SLC35E2B: variants seen among roughly 807,000 people sequenced by gnomAD.
SLC35E2B encodes the protein solute carrier family 35, member E2B.
In SLC35E2B, 18 loss-of-function variants were observed where a neutral mutation model predicts 32.4. The ratio of observed to expected loss-of-function variants is 0.56; its 90% CI spans 0.38 to 0.82. The LOEUF (loss-of-function observed/expected upper bound fraction) is 0.82, where lower values mean the gene tolerates loss of function less well. SLC35E2B is among the 40% of genes least tolerant of loss of function. The pLI is 0.00. For synonymous variants in SLC35E2B, 132 were observed against 209.1 expected, an observed-to-expected ratio of 0.63 and a Z score of 3.18; for missense variants, 263 against 469.5, an observed-to-expected ratio of 0.56 and a Z score of 4.06.
At chr1:1,687,037 C>T (rs1249116954) in intron 2 of SLC35E2B, among the ~76,000 whole-genome samples, 1 of 152,018 alleles carries the variant, frequency 6.6e-6, no homozygotes, top group Admixed American at 6.5e-5. Flanking sequence ...GCCTGGGCCA[C>T]AGAGTGAGAC....
At position 1,663,858 on chromosome 1, in the gene SLC35E2B, A is replaced by G. The variant is rs1234926178; in HGVS notation, c.*1924T>C. The G allele has an allele frequency of 6.6e-6, 6 of 907,058 alleles. No homozygotes were observed. The African/African-American group carries it at 7.0e-5, about 11-fold the overall frequency. 56.2% of individuals were successfully genotyped at this position (907,058 alleles called of 1,614,324 possible). ...AACATCTTCGCAGCGCAGTGAGCAC[A>G]CACCTGGCCTGTCCTCCACACACAG... On this transcript the variant is annotated 3_prime_UTR_variant, in exon 10 of 10. Coordinates refer to ENST00000617444, the MANE Select transcript of SLC35E2B (RefSeq NM_001290264.2).
At position 1,665,604 on chromosome 1, in the gene SLC35E2B, T is replaced by G; in HGVS notation, c.*178A>C. The G allele has an allele frequency of 1.0e-6, 1 of 991,468 alleles. No individual in the cohort carries two copies. Among genetic ancestry groups the G allele is most frequent in the Non-Finnish European group, 1.4e-6 (1 of 694,050 alleles). 61.4% of individuals were successfully genotyped at this position (991,468 alleles called of 1,614,324 possible). The stretch of plus-strand genomic sequence containing the variant: ...GTCTCTACTCCAGGAAGCTGATACC[T>G]GGAATCCCCAGTTTGAGTTTCTGCT... On this transcript the variant is annotated 3_prime_UTR_variant, in exon 10 of 10. Coordinates refer to ENST00000617444, the MANE Select transcript of SLC35E2B (RefSeq NM_001290264.2).
At chr1:1,670,783 AATAATG>A (rs1474561469) in intron 6 of SLC35E2B, 1 of 152,224 alleles carries the variant, frequency 6.6e-6, no homozygotes, top group Non-Finnish European at 1.5e-5. Flanking sequence ...GATTATCAGT[AATAATG>A]ATAAACTCTC....
intron 5 of SLC35E2B, chr1:1,672,270 C>G (rs554397894): frequency 6.6e-6 from 1 of 152,238 alleles, no homozygotes; most frequent in Non-Finnish European, 1.5e-5. Flanking sequence ...ATCACCTGCA[C>G]GGGGGAGGCC....
chr1:1,685,304 T>C (rs2101116647), intron 2 of SLC35E2B, among the ~76,000 whole-genome samples: 1 of 149,674 alleles, frequency 6.7e-6, no homozygotes, highest in East Asian at 2.0e-4. Flanking sequence ...TGTGCGCCTG[T>C]GTGCCCAGCT....
At chr1:1,670,032 C>T in intron 7 of SLC35E2B, 66 bp downstream of exon 7, 1 of 1,400,474 alleles carries the variant, frequency 7.1e-7, no homozygotes, top group Non-Finnish European at 9.9e-7. Context: ...TGTTCTGACT[C>T]TTACAGTGAG....
chr1:1,668,220 C>T (rs1643591947), intron 9 of SLC35E2B, 107 bp downstream of exon 9: 8 of 1,475,702 alleles, frequency 5.4e-6, no homozygotes, highest in Non-Finnish European at 7.3e-6. Context: ...CCACACTCAT[C>T]CCCGTGGAAG....
intron 2 of SLC35E2B, among the ~76,000 whole-genome samples, chr1:1,682,184 C>T (rs1355222888): frequency 6.6e-6 from 1 of 151,902 alleles, no homozygotes; most frequent in Non-Finnish European, 1.5e-5. Context: ...AGAGGTCATG[C>T]GGGTGACAGG....
At chr1:1,669,616 G>C in intron 8 of SLC35E2B, 48 bp downstream of exon 8, 1 of 1,480,712 alleles carries the variant, frequency 6.8e-7, no homozygotes. Flanking sequence ...AATCACCGGA[G>C]AAGGCAGCCC....
chr1:1,679,086 G>A (rs1204494603), intron 2 of SLC35E2B, among the ~76,000 whole-genome samples: 7 of 152,072 alleles, frequency 4.6e-5, no homozygotes, highest in Non-Finnish European at 5.9e-5. Context: ...CCCCCTGGCT[G>A]GGGACGCTGT....
intron 9 of SLC35E2B, among the ~76,000 whole-genome samples, chr1:1,667,355 G>A (rs2101091936): frequency 6.6e-6 from 1 of 152,252 alleles, no homozygotes; most frequent in South Asian, 2.1e-4. Flanking sequence ...GGAGCTTGCA[G>A]TGAGCCGAGA....
At position 1,684,221 on chromosome 1, in the gene SLC35E2B, G is replaced by T. The variant is rs868248925; in HGVS notation, c.-148+6755C>A. On this transcript the variant is annotated intron_variant, in intron 2 of 9. Transcript: ENST00000617444. Reference sequence around the variant, plus strand: ...CTCTTAATGTGCCTCATCCACCTCCGCGTGCTGACACCCACATCAGTGACA... The same window carrying T: ...CTCTTAATGTGCCTCATCCACCTCCTCGTGCTGACACCCACATCAGTGACA... Among the ~76,000 whole-genome samples, 4 of 152,270 alleles carry T rather than the reference G, an allele frequency of 2.6e-5. No homozygotes were observed. The Middle Eastern group carries it at 0.01, about 388-fold the overall frequency.
intron 9 of SLC35E2B, among the ~76,000 whole-genome samples, chr1:1,667,474 C>A (rs1347820549): frequency 1.3e-5 from 2 of 152,006 alleles, no homozygotes; most frequent in Non-Finnish European, 2.9e-5. Context: ...ATTCAATCTG[C>A]CCAGTTACAG....
At chr1:1,682,162 G>GT (rs1264579204) in intron 2 of SLC35E2B, among the ~76,000 whole-genome samples, 3 of 151,938 alleles carry the variant, frequency 2.0e-5, no homozygotes, top group Non-Finnish European at 4.4e-5. Flanking sequence ...GCCCGGCTGG[G>GT]TGCAACCTTT....
Position 1,675,378 on chromosome 1 carries a change from C to T in SLC35E2B, c.586+85G>A. ...CTGAGTGGTCCTCGCGGCAGAGCCC[C>T]ATGGCAGGCAGCAGAGACGGGCACC... On this transcript the variant is annotated intron_variant, in intron 5 of 9. Transcript: ENST00000617444. The T allele has an allele frequency of 5.7e-6, 7 of 1,225,264 alleles. No homozygotes were observed. In the South Asian group the frequency reaches 9.3e-5, roughly 16 times the overall value. 75.9% of individuals were successfully genotyped at this position (1,225,264 alleles called of 1,614,324 possible).
At chr1:1,682,129 G>C (rs566454713) in intron 2 of SLC35E2B, among the ~76,000 whole-genome samples, 3 of 150,620 alleles carry the variant, frequency 2.0e-5, no homozygotes, top group East Asian at 2.0e-4. Flanking sequence ...CATAGAACTG[G>C]GATTACAGGC....
At position 1,671,649 on chromosome 1, in the gene SLC35E2B, T is replaced by C. The variant is rs1016385342; in HGVS notation, c.587-20A>G. ...GCAGCCCTGGCGAGAGGACAGCCCC[T>C]GTGAGTGGCTGACCCGCCGGGCGGA... On this transcript the variant is annotated intron_variant, in intron 5 of 9. Coordinates refer to ENST00000617444, the MANE Select transcript of SLC35E2B (RefSeq NM_001290264.2). 2.0e-6 allele frequency: 3 copies of C among 1,509,446 alleles called. No individual in the cohort carries two copies. Among genetic ancestry groups the C allele is most frequent in the African/African-American group, 1.4e-5 (1 of 71,566 alleles). The allele number at this position is 1,509,446 out of a possible 1,614,324, so 93.5% of individuals were successfully genotyped here.
chr1:1,674,633 C>A (rs369480324), intron 5 of SLC35E2B, among the ~76,000 whole-genome samples: 112 of 126,540 alleles, frequency 8.9e-4, no homozygotes, highest in East Asian at 1.4e-3. Context: ...ATAAAAAAAA[C>A]AAAAAAAAAA....
chr1:1,666,505 C>T (rs750893790), intron 9 of SLC35E2B, among the ~76,000 whole-genome samples: 2 of 152,146 alleles, frequency 1.3e-5, no homozygotes, highest in Admixed American at 1.3e-4. Flanking sequence ...GGATCATAGG[C>T]GTGAGCCACC....
Sources: allele counts gnomAD v4.1 joint callset (sites outside exome capture counted in the v4.1 genomes callset), GRCh38; gene constraint gnomAD v4.1.1; transcripts MANE v1.5; gene names NCBI Gene and HGNC (gene_info 2026-07-23, HGNC 2026-07-21).